Variants in SLIT1 observed in about 807,000 individuals in gnomAD.
SLIT1 encodes slit guidance ligand 1.
A neutral mutation model predicts 186.1 loss-of-function variants in SLIT1; 66 were observed. That is an observed-to-expected ratio of 0.35 (90% CI 0.29 to 0.44). The LOEUF is 0.44. Ranked by LOEUF, SLIT1 falls within the 20% of genes least tolerant of loss-of-function variation. The pLI is 1.00. For synonymous variants in SLIT1, 761 were observed against 833.8 expected (o/e 0.91, Z 1.50); for missense variants, 1,638 against 2,037.4 (o/e 0.80, Z 3.77).
intron 4 of SLIT1, among the ~76,000 whole-genome samples, chr10:97,116,616 G>A (rs1849512580): frequency 6.6e-6 from 1 of 152,328 alleles, no homozygotes; most frequent in East Asian, 1.9e-4. Flanking sequence ...TGGGGGCTGG[G>A]CATCCTGCCC....
chr10:97,117,529 T>C (rs1361006938), intron 4 of SLIT1, among the ~76,000 whole-genome samples: 1 of 152,152 alleles, frequency 6.6e-6, no homozygotes, highest in Non-Finnish European at 1.5e-5. Context: ...AGGGTGTGGA[T>C]TTCCAGGAAC....
intron 4 of SLIT1, among the ~76,000 whole-genome samples, chr10:97,093,629 C>T (rs1013945853): frequency 4.6e-5 from 7 of 152,232 alleles, no homozygotes; most frequent in African/African-American, 1.7e-4. Flanking sequence ...GGGACTCTGA[C>T]TCCCAGCTGA....
rs1848433945 is a variant in SLIT1 at position 97,014,125 on chromosome 10, G to A, written c.3003C>T (p.Thr1001=). Reference sequence around the variant, plus strand: ...CACAGTCATCTGTGTTCACCCCACAGGTTGGTCCTTCAAAGCCGGTGGGAC... The same window carrying A: ...CACAGTCATCTGTGTTCACCCCACAAGTTGGTCCTTCAAAGCCGGTGGGAC... ...CSCPTGFEGP[T]CGVNTDDCVD... The change falls in exon 29 of 37, where the codon ACC becomes ACT. Residue 1001 remains threonine (T), a synonymous_variant. Coordinates refer to ENST00000266058, the MANE Select transcript of SLIT1 (RefSeq NM_003061.3). 2 of 1,613,956 alleles carry A rather than the reference G, an allele frequency of 1.2e-6. No homozygotes were observed. Among genetic ancestry groups the A allele is most frequent in the East Asian group, 2.2e-5 (1 of 44,896 alleles).
intron 4 of SLIT1, among the ~76,000 whole-genome samples, chr10:97,125,977 G>A (rs1849600650): frequency 6.6e-6 from 1 of 152,162 alleles, no homozygotes; most frequent in Admixed American, 6.5e-5. Context: ...CTCCCATTCT[G>A]AAGAAAGAGA....
At chr10:97,063,134 A>G (rs1848908572) in intron 8 of SLIT1, among the ~76,000 whole-genome samples, 1 of 152,204 alleles carries the variant, frequency 6.6e-6, no homozygotes, top group African/African-American at 2.4e-5. Flanking sequence ...TGAGTGGACA[A>G]GGCAATGAGG....
At chr10:97,052,513 A>G (rs540257732) in intron 13 of SLIT1, among the ~76,000 whole-genome samples, 50 of 152,306 alleles carry the variant, frequency 3.3e-4, no homozygotes, top group African/African-American at 1.1e-3. Flanking sequence ...TTTGGAAGGG[A>G]AGGTGATGGA....
intron 4 of SLIT1, among the ~76,000 whole-genome samples, chr10:97,146,356 G>A (rs1465347564): frequency 2.0e-5 from 3 of 152,156 alleles, no homozygotes; most frequent in East Asian, 1.9e-4. Context: ...AATTGAGTTG[G>A]TCAAAACCTA....
At chr10:97,013,589 A>C in intron 30 of SLIT1, 152 bp downstream of exon 30, 1 of 643,912 alleles carries the variant, frequency 1.6e-6, no homozygotes, top group South Asian at 1.8e-5. Context: ...TCCACCCACA[A>C]CCCCGCATGG....
intron 25 of SLIT1, among the ~76,000 whole-genome samples, chr10:97,024,634 ATATTTAAAATGTT>A (rs2134603873): frequency 6.6e-6 from 1 of 152,258 alleles, no homozygotes; most frequent in East Asian, 1.9e-4. Context: ...AAATGGTGGT[ATATTTAAAATGTT>A]TACACTCACC....
intron 4 of SLIT1, among the ~76,000 whole-genome samples, chr10:97,140,024 C>T (rs546855033): frequency 5.9e-5 from 9 of 152,282 alleles, no homozygotes; most frequent in African/African-American, 2.2e-4. Context: ...TCCTCTCTGT[C>T]TTTCCAGGGG....
At chr10:97,177,276 G>GA (rs1850269219) in intron 1 of SLIT1, among the ~76,000 whole-genome samples, 1 of 152,284 alleles carries the variant, frequency 6.6e-6, no homozygotes, top group East Asian at 1.9e-4. Context: ...GCAATTCAAA[G>GA]AAAACAGGCA....
chr10:97,028,277 C>T (rs1848564029), intron 25 of SLIT1, among the ~76,000 whole-genome samples: 1 of 152,200 alleles, frequency 6.6e-6, no homozygotes, highest in African/African-American at 2.4e-5. Flanking sequence ...CTCCTGCCTC[C>T]TCCCACCCCA....
intron 1 of SLIT1, among the ~76,000 whole-genome samples, chr10:97,181,568 G>A (rs1015968880): frequency 5.3e-5 from 8 of 152,198 alleles, no homozygotes; most frequent in African/African-American, 1.9e-4. Context: ...GGCAAGGCTG[G>A]GCATGGTGGC....
intron 4 of SLIT1, among the ~76,000 whole-genome samples, chr10:97,076,727 A>C (rs1270853626): frequency 1.3e-5 from 2 of 152,218 alleles, no homozygotes; most frequent in African/African-American, 4.8e-5. Flanking sequence ...TTGTCCACTC[A>C]CAAACCTCAG....
intron 32 of SLIT1, among the ~76,000 whole-genome samples, chr10:97,005,434 G>A (rs2134587747): frequency 6.6e-6 from 1 of 152,304 alleles, no homozygotes; most frequent in African/African-American, 2.4e-5. Context: ...TAAAGACCCT[G>A]AGCCCCCTGG....
intron 4 of SLIT1, among the ~76,000 whole-genome samples, chr10:97,075,540 C>T (rs947206447): frequency 2.0e-5 from 3 of 152,194 alleles, no homozygotes; most frequent in Non-Finnish European, 4.4e-5. Flanking sequence ...CCCAGGGATG[C>T]TGGGAGGATG....
chr10:97,161,734 C>T (rs1370218549), intron 3 of SLIT1, among the ~76,000 whole-genome samples: 1 of 152,154 alleles, frequency 6.6e-6, no homozygotes, highest in Non-Finnish European at 1.5e-5. Flanking sequence ...GCCGAGATTG[C>T]GCCATTGCAC....
In SLIT1 at chr10:97,185,645, C is replaced by G. The variant is rs765376034; in HGVS notation, c.30G>C (p.Ser10=). 7.1e-6 allele frequency: 11 copies of G among 1,543,436 alleles called. No individual in the cohort carries two copies. The East Asian group carries it at 2.2e-4, about 31-fold the overall frequency. ...AGAGCTCCGGCCGGACCGGCCCCGC[C>G]GAGGACCCCCACCCGGGAGTCAGCG... MALTPGWGS[S]AGPVRPELWL... Residue 10 remains serine (S), a synonymous_variant, in exon 1 of 37, where the codon TCG becomes TCC. Coordinates refer to ENST00000266058, the MANE Select transcript of SLIT1 (RefSeq NM_003061.3).
chr10:97,124,986 A>G (rs1411306045), intron 4 of SLIT1, among the ~76,000 whole-genome samples: 1 of 152,246 alleles, frequency 6.6e-6, no homozygotes, highest in Non-Finnish European at 1.5e-5. Context: ...GGGATGCTTA[A>G]CCACACTCAT....
Sources: gnomAD v4.1 joint callset for allele counts (sites outside exome capture counted in the v4.1 genomes callset) on GRCh38, gnomAD v4.1.1 for gene constraint, MANE v1.5 for transcripts, NCBI Gene and HGNC (gene_info 2026-07-23, HGNC 2026-07-21) for gene names.